The following NAALADL2 variants were observed in gnomAD, a reference collection of about 807,000 sequenced individuals.
The protein encoded by NAALADL2 is inactive N-acetylated-alpha-linked acidic dipeptidase-like protein 2.
Under a neutral mutation model 87.2 loss-of-function variants are expected in NAALADL2, and 76 were observed. The observed-to-expected ratio is 0.87, with a 90% CI of 0.72 to 1.05. The LOEUF (loss-of-function observed/expected upper bound fraction) is 1.05. Ranked by LOEUF, NAALADL2 falls within the 50% of genes least tolerant of loss-of-function variation. The probability of loss-of-function intolerance (pLI) is 0.00; values close to 1 mark genes in which losing one functional copy is unlikely to be tolerated. For synonymous variants in NAALADL2, 354 were observed against 331.0 expected (o/e 1.07, Z -0.75); for missense variants, 1,089 against 945.8 (o/e 1.15, Z -1.99).
intron 3 of NAALADL2, among the ~76,000 whole-genome samples, chr3:174,795,303 T>A (rs985345973): frequency 6.6e-6 from 1 of 151,994 alleles, no homozygotes; most frequent in African/African-American, 2.4e-5. Flanking sequence ...GGCCTTCTAG[T>A]CCAGCATTTT....
intron 2 of NAALADL2, among the ~76,000 whole-genome samples, chr3:174,552,499 A>G (rs915819274): frequency 6.6e-6 from 1 of 152,188 alleles, no homozygotes; most frequent in African/African-American, 2.4e-5. Context: ...AGTTTTTACT[A>G]CAAATCAATA....
chr3:175,456,740 A>G (rs546004077), intron 6 of NAALADL2, among the ~76,000 whole-genome samples: 2 of 152,148 alleles, frequency 1.3e-5, no homozygotes, highest in East Asian at 1.9e-4. Context: ...TCATTGATAC[A>G]TTACTACCAT....
chr3:175,319,107 G>A (rs1759519601), intron 4 of NAALADL2, among the ~76,000 whole-genome samples: 1 of 152,222 alleles, frequency 6.6e-6, no homozygotes, highest in African/African-American at 2.4e-5. Context: ...GTGAGGATTT[G>A]AAGAGTAAGT....
chr3:174,751,585 C>T (rs970468024), intron 3 of NAALADL2, among the ~76,000 whole-genome samples: 19 of 149,202 alleles, frequency 1.3e-4, no homozygotes, highest in African/African-American at 4.0e-4. Context: ...ATTGCTTGAG[C>T]CCGGGAGACT....
intron 1 of NAALADL2, among the ~76,000 whole-genome samples, chr3:174,886,276 A>G (rs924552323): frequency 6.6e-6 from 1 of 152,100 alleles, no homozygotes; most frequent in African/African-American, 2.4e-5. Flanking sequence ...CATCCAGCAC[A>G]GGAGAAAGAT....
intron 5 of NAALADL2, among the ~76,000 whole-genome samples, chr3:175,441,345 A>G (rs1719723188): frequency 6.6e-6 from 1 of 152,160 alleles, no homozygotes; most frequent in African/African-American, 2.4e-5. Context: ...GAAAATGTGG[A>G]TAGGTTATAT....
chr3:174,743,045 CT>C (rs1373501546), intron 3 of NAALADL2, among the ~76,000 whole-genome samples: 1 of 151,652 alleles, frequency 6.6e-6, no homozygotes, highest in African/African-American at 2.4e-5. Context: ...TAGCTCTGTT[CT>C]CATCAAGCCC....
intron 2 of NAALADL2, among the ~76,000 whole-genome samples, chr3:174,688,111 C>T (rs1283128077): frequency 6.6e-6 from 1 of 152,058 alleles, no homozygotes; most frequent in Admixed American, 6.6e-5. Flanking sequence ...TTGTAAAATT[C>T]CTGAAAATTT....
chr3:175,013,569 G>A lies in NAALADL2; in HGVS notation c.44-83221G>A, dbSNP rs1259183529. Among the ~76,000 whole-genome samples, 5 of 151,744 alleles carry A rather than the reference G, an allele frequency of 3.3e-5. No homozygotes were observed. In the East Asian group the frequency reaches 9.7e-4, roughly 29 times the overall value. On this transcript the variant is annotated intron_variant, in intron 1 of 13. Coordinates refer to ENST00000454872, the MANE Select transcript of NAALADL2 (RefSeq NM_207015.3). ...CCTCCTCAGCCTCCCAAAGGGCTGG[G>A]ATTATAGGAATGAACCACTGTACCA...
At chr3:174,722,242 A>G (rs1731776029) in intron 2 of NAALADL2, among the ~76,000 whole-genome samples, 1 of 152,182 alleles carries the variant, frequency 6.6e-6, no homozygotes, top group Non-Finnish European at 1.5e-5. Flanking sequence ...TCTTTGGTGC[A>G]TGAAGGTATG....
intron 5 of NAALADL2, among the ~76,000 whole-genome samples, chr3:175,428,507 C>T (rs1477589359): frequency 6.6e-6 from 1 of 151,980 alleles, no homozygotes; most frequent in African/African-American, 2.4e-5. Flanking sequence ...GAAGTTCAGC[C>T]CAGGGTGACC....
intron 3 of NAALADL2, among the ~76,000 whole-genome samples, chr3:174,778,640 T>C (rs507290): frequency 0.3 from 45,680 of 151,704 alleles, 6,923 homozygotes; most frequent in Middle Eastern, 0.37. Flanking sequence ...ACCCCCACCC[T>C]GCAACAGGAC....
At chr3:175,485,107 C>A (rs1368168180) in intron 9 of NAALADL2, among the ~76,000 whole-genome samples, 1 of 152,120 alleles carries the variant, frequency 6.6e-6, no homozygotes, top group Non-Finnish European at 1.5e-5. Context: ...ATTGCTTAAC[C>A]TCTCTTAGCT....
chr3:175,062,846 A>G (rs1310341649), intron 1 of NAALADL2, among the ~76,000 whole-genome samples: 1 of 152,190 alleles, frequency 6.6e-6, no homozygotes, highest in Non-Finnish European at 1.5e-5. Context: ...TTCAAGAGAA[A>G]GATGAAAGTG....
intron 1 of NAALADL2, among the ~76,000 whole-genome samples, chr3:174,933,534 C>A (rs1673112990): frequency 6.6e-6 from 1 of 152,192 alleles, no homozygotes; most frequent in South Asian, 2.1e-4. Flanking sequence ...CTATGTTGTT[C>A]TTTTTCAAAG....
intron 2 of NAALADL2, among the ~76,000 whole-genome samples, chr3:174,698,994 A>C (rs1187390396): frequency 1.3e-5 from 2 of 150,908 alleles, no homozygotes; most frequent in African/African-American, 2.4e-5. Flanking sequence ...TCTTTTCATC[A>C]GTTTTGGAAA....
intron 2 of NAALADL2, among the ~76,000 whole-genome samples, chr3:175,227,237 A>G (rs1312733816): frequency 2.6e-5 from 4 of 152,010 alleles, no homozygotes; most frequent in Admixed American, 2.6e-4. Context: ...CAATTCTGAC[A>G]TCACTGTTGC....
intron 10 of NAALADL2, among the ~76,000 whole-genome samples, chr3:175,588,087 TAAA>T (rs201465705): frequency 3.0e-5 from 4 of 135,178 alleles, no homozygotes; most frequent in Admixed American, 7.3e-5. Context: ...AACCTTGGGG[TAAA>T]AAAAAAAAAA....
chr3:175,115,552 TA>T lies in NAALADL2; in HGVS notation c.545+18265del, dbSNP rs553244523. On this transcript the variant is annotated intron_variant, in intron 2 of 13. Transcript: ENST00000454872. ...CCAATTTACAAGTATAATGTTTGTG[TA>T]AAAGAGAATGCTATTAAGCAGCAAA... Among the ~76,000 whole-genome samples the T allele has an allele frequency of 1.1e-4, 17 of 151,814 alleles. No homozygotes were observed. In the South Asian group the frequency reaches 3.1e-3, roughly 28 times the overall value.
Sources: allele counts gnomAD v4.1 joint callset (sites outside exome capture counted in the v4.1 genomes callset), GRCh38; gene constraint gnomAD v4.1.1; transcripts MANE v1.5; gene names NCBI Gene and HGNC (gene_info 2026-07-23, HGNC 2026-07-21).